Variants in TUSC3 observed in about 807,000 individuals in gnomAD.
TUSC3 encodes the protein tumor suppressor candidate 3, also known as dolichyl-diphosphooligosaccharide--protein glycosyltransferase subunit TUSC3.
A neutral mutation model predicts 44.8 loss-of-function variants in TUSC3; 45 were observed. The ratio of observed to expected loss-of-function variants is 1.00; its 90% CI spans 0.79 to 1.29. The LOEUF is 1.29. Among genes scored for constraint, TUSC3 ranks in the 50% most tolerant of loss-of-function variants. The probability of loss-of-function intolerance (pLI) is 0.00; values close to 1 mark genes in which losing one functional copy is unlikely to be tolerated. For synonymous variants in TUSC3, 212 were observed against 152.9 expected, an observed-to-expected ratio of 1.39 and a Z score of -2.85; for missense variants, 519 against 437.9, an observed-to-expected ratio of 1.19 and a Z score of -1.65.
chr8:15,510,515 A>T (rs1801118331), intron 2 of TUSC3, among the ~76,000 whole-genome samples: 1 of 152,190 alleles, frequency 6.6e-6, no homozygotes, highest in South Asian at 2.1e-4. Flanking sequence ...TACATAAAAG[A>T]TAATTACGGG....
At chr8:15,585,274 A>G (rs1305833540) in intron 1 of TUSC3, among the ~76,000 whole-genome samples, 4 of 152,170 alleles carry the variant, frequency 2.6e-5, no homozygotes, top group Non-Finnish European at 4.4e-5. Context: ...ATTTCATTCA[A>G]TAAAGGTTCA....
intron 1 of TUSC3, among the ~76,000 whole-genome samples, chr8:15,608,983 T>G (rs994589014): frequency 1.5e-4 from 23 of 152,290 alleles, no homozygotes; most frequent in African/African-American, 5.5e-4. Flanking sequence ...AAACACTGTT[T>G]AAGTTGATGA....
At chr8:15,560,372 C>A (rs987206985) in intron 1 of TUSC3, among the ~76,000 whole-genome samples, 1 of 139,010 alleles carries the variant, frequency 7.2e-6, no homozygotes, top group African/African-American at 2.6e-5. Flanking sequence ...CTGAGAGATC[C>A]GCTGTTAGTC....
chr8:15,764,364 T>C lies in TUSC3; in HGVS notation c.*208T>C, dbSNP rs1480685408. Reference sequence around the variant, plus strand: ...TTAAACTGTGGGTTTTCCTAGTAAATTTAATTTACAGAAATCAATGGTAGC... The same window carrying C: ...TTAAACTGTGGGTTTTCCTAGTAAACTTAATTTACAGAAATCAATGGTAGC... On this transcript the variant is annotated 3_prime_UTR_variant, in exon 11 of 11. Coordinates refer to ENST00000503731, the MANE Select transcript of TUSC3 (RefSeq NM_006765.4). 7 of 808,488 alleles carry C rather than the reference T, an allele frequency of 8.7e-6. No homozygotes were observed. The highest frequency in any genetic ancestry group is 3.1e-4 in the Middle Eastern group (1 of 3,214). The allele number at this position is 808,488 out of a possible 1,614,324, so 50.1% of individuals were successfully genotyped here. A position where few individuals can be genotyped will look rare whatever the true frequency, so the allele number is the denominator to read the frequency against.
intron 6 of TUSC3, among the ~76,000 whole-genome samples, chr8:15,728,825 A>G (rs373539712): frequency 3.2e-4 from 48 of 152,162 alleles, no homozygotes; most frequent in African/African-American, 1.1e-3. Context: ...GAAGGAAAGG[A>G]ACAGCCTTCT....
At chr8:15,680,241 G>T (rs1038917521) in intron 6 of TUSC3, among the ~76,000 whole-genome samples, 4 of 151,892 alleles carry the variant, frequency 2.6e-5, no homozygotes, top group Non-Finnish European at 5.9e-5. Context: ...CCATTTATTT[G>T]TGTCATCTAT....
intron 2 of TUSC3, among the ~76,000 whole-genome samples, chr8:15,523,282 A>C (rs1279240928): frequency 6.6e-6 from 1 of 152,152 alleles, no homozygotes; most frequent in Admixed American, 6.5e-5. Context: ...AATATGGCTG[A>C]AGAAAGGCAG....
chr8:15,507,866 C>T (rs1010106490), intron 2 of TUSC3, among the ~76,000 whole-genome samples: 3 of 152,044 alleles, frequency 2.0e-5, no homozygotes, highest in Non-Finnish European at 4.4e-5. Flanking sequence ...CCAAGAGGTA[C>T]AGTCAGATGG....
intron 2 of TUSC3, among the ~76,000 whole-genome samples, chr8:15,493,455 A>G (rs1242274676): frequency 1.3e-5 from 2 of 151,966 alleles, no homozygotes; most frequent in Admixed American, 1.3e-4. Context: ...CATAGACAAG[A>G]TCTTGCTATG....
At chr8:15,743,688 A>C in intron 8 of TUSC3, 76 bp downstream of exon 8, 1 of 1,490,406 alleles carries the variant, frequency 6.7e-7, no homozygotes, top group Non-Finnish European at 9.4e-7. Context: ...GAAATACATA[A>C]AAGCCCTTTG....
chr8:15,534,048 T>C (rs1801488250), intron 2 of TUSC3, among the ~76,000 whole-genome samples: 1 of 152,144 alleles, frequency 6.6e-6, no homozygotes, highest in East Asian at 1.9e-4. Flanking sequence ...TTGTCCAAGA[T>C]AGTGATGTTC....
chr8:15,729,822 C>T (rs1187958168), intron 6 of TUSC3, among the ~76,000 whole-genome samples: 1 of 151,722 alleles, frequency 6.6e-6, no homozygotes, highest in Non-Finnish European at 1.5e-5. Context: ...TGCAATTTCC[C>T]ATGTAACAAA....
intron 8 of TUSC3, among the ~76,000 whole-genome samples, chr8:15,746,440 A>G (rs575932617): frequency 7.9e-5 from 12 of 152,212 alleles, no homozygotes; most frequent in Middle Eastern, 3.4e-3. Context: ...ACTATGATTA[A>G]TATTTCCCAG....
intron 1 of TUSC3, among the ~76,000 whole-genome samples, chr8:15,448,469 C>A (rs778332642): frequency 6.6e-4 from 101 of 152,140 alleles, no homozygotes; most frequent in East Asian, 9.7e-4. Context: ...ATCAGCATAA[C>A]TTTTGGAGAT....
chr8:15,495,015 T>G (rs1167163132), intron 2 of TUSC3, among the ~76,000 whole-genome samples: 1 of 152,258 alleles, frequency 6.6e-6, no homozygotes, highest in Non-Finnish European at 1.5e-5. Context: ...TTTGGTTTGC[T>G]GTTTCTGCAT....
intron 2 of TUSC3, among the ~76,000 whole-genome samples, chr8:15,505,662 G>A (rs1202943727): frequency 6.6e-6 from 1 of 152,210 alleles, no homozygotes; most frequent in Non-Finnish European, 1.5e-5. Context: ...CAGGTCTGAA[G>A]TGGGGTCAGA....
At chr8:15,546,639 A>C (rs953472476) in intron 1 of TUSC3, among the ~76,000 whole-genome samples, 3 of 151,504 alleles carry the variant, frequency 2.0e-5, no homozygotes, top group Admixed American at 1.3e-4. Flanking sequence ...GGGTTCAAGC[A>C]ATCCCCCTGC....
intron 1 of TUSC3, among the ~76,000 whole-genome samples, chr8:15,590,682 G>C (rs1162164454): frequency 6.6e-6 from 1 of 151,428 alleles, no homozygotes; most frequent in African/African-American, 2.4e-5. Context: ...TTTGTTTGTT[G>C]CTTTTCTGAG....
intron 6 of TUSC3, among the ~76,000 whole-genome samples, chr8:15,680,785 TATC>T (rs1808393568): frequency 6.6e-6 from 1 of 152,114 alleles, no homozygotes; most frequent in Non-Finnish European, 1.5e-5. Context: ...TGAGGATTTT[TATC>T]ATGAACAGAT....
Sources: gnomAD v4.1 joint callset for allele counts (sites outside exome capture counted in the v4.1 genomes callset) on GRCh38, gnomAD v4.1.1 for gene constraint, MANE v1.5 for transcripts, NCBI Gene and HGNC (gene_info 2026-07-23, HGNC 2026-07-21) for gene names.